SGCZ: variants seen among roughly 807,000 people sequenced by gnomAD.
The protein encoded by SGCZ is sarcoglycan zeta.
Under a neutral mutation model 41.3 loss-of-function variants are expected in SGCZ, and 40 were observed. The ratio of observed to expected loss-of-function variants is 0.97; its 90% CI spans 0.75 to 1.26. The LOEUF (loss-of-function observed/expected upper bound fraction) is 1.26. Among genes scored for constraint, SGCZ ranks in the 50% most tolerant of loss-of-function variants. The pLI, the probability that SGCZ is intolerant of heterozygous loss-of-function variation, is 0.00. For missense variants in SGCZ, 552 were observed against 369.8 expected (o/e 1.49, Z -4.04); for synonymous variants, 206 against 137.5 (o/e 1.50, Z -3.49).
At chr8:14,139,393 A>G (rs1231350693) in intron 5 of SGCZ, among the ~76,000 whole-genome samples, 1 of 152,212 alleles carries the variant, frequency 6.6e-6, no homozygotes, top group Non-Finnish European at 1.5e-5. Flanking sequence ...CAAAAAATCA[A>G]TGAATCCAGG....
intron 1 of SGCZ, among the ~76,000 whole-genome samples, chr8:14,814,792 AT>A: frequency 6.6e-6 from 1 of 152,176 alleles, no homozygotes. Context: ...TGAGCAAGGT[AT>A]TATGACTGAA....
chr8:14,578,218 C>A (rs1023799831), intron 1 of SGCZ, among the ~76,000 whole-genome samples: 4 of 152,172 alleles, frequency 2.6e-5, no homozygotes, highest in African/African-American at 9.7e-5. Flanking sequence ...TCATCTATAG[C>A]CATCAGTTGA....
At chr8:14,183,590 G>C (rs1488130185) in intron 4 of SGCZ, among the ~76,000 whole-genome samples, 1 of 152,188 alleles carries the variant, frequency 6.6e-6, no homozygotes, top group Non-Finnish European at 1.5e-5. Context: ...GAGTTTGAAA[G>C]AGAACACGGA....
rs1173430063 is a variant in SGCZ at position 14,087,978 on chromosome 8, T to C, written c.*2465A>G. On this transcript the variant is annotated 3_prime_UTR_variant, in exon 8 of 8. Transcript: ENST00000382080. Reference sequence around the variant, plus strand: ...GTCTAAAGCTCTCAAGCTTGTAAGTTACTTTTGAATTATGTCTATACTTCT... The same window carrying C: ...GTCTAAAGCTCTCAAGCTTGTAAGTCACTTTTGAATTATGTCTATACTTCT... 2.6e-5 allele frequency among the ~76,000 whole-genome samples: 4 copies of C among 151,836 alleles called. No individual in the cohort carries two copies. Among genetic ancestry groups the C allele is most frequent in the Non-Finnish European group, 5.9e-5 (4 of 67,832 alleles).
At chr8:14,190,170 G>A (rs537291613) in intron 4 of SGCZ, among the ~76,000 whole-genome samples, 6 of 151,476 alleles carry the variant, frequency 4.0e-5, no homozygotes, top group Admixed American at 1.3e-4. Flanking sequence ...CCGCCACCAC[G>A]CCCGGCTAAT....
chr8:14,285,107 T>A (rs1283392217), intron 3 of SGCZ, among the ~76,000 whole-genome samples: 6 of 152,178 alleles, frequency 3.9e-5, no homozygotes, highest in African/African-American at 9.7e-5. Flanking sequence ...AGACTCAGCC[T>A]TATTAAATCT....
chr8:15,171,994 T>A (rs776987312), intron 1 of SGCZ, among the ~76,000 whole-genome samples: 28 of 152,206 alleles, frequency 1.8e-4, no homozygotes, highest in South Asian at 6.2e-4. Context: ...TCAACATTAT[T>A]TGTGCCAGCA....
chr8:14,125,121 C>A (rs187161038), intron 5 of SGCZ, among the ~76,000 whole-genome samples: 1 of 152,274 alleles, frequency 6.6e-6, no homozygotes, highest in East Asian at 1.9e-4. Context: ...GAACTACAAA[C>A]CACTGATAAA....
At chr8:14,868,329 T>C (rs1804008230) in intron 1 of SGCZ, among the ~76,000 whole-genome samples, 1 of 152,126 alleles carries the variant, frequency 6.6e-6, no homozygotes, top group Admixed American at 6.6e-5. Flanking sequence ...AGCCCAACCA[T>C]TCTAAGCAAC....
chr8:15,052,399 T>A (rs2130995460), intron 1 of SGCZ, among the ~76,000 whole-genome samples: 1 of 152,042 alleles, frequency 6.6e-6, no homozygotes, highest in South Asian at 2.1e-4. Context: ...TGAGTGAGGG[T>A]GGTGGGTGGA....
At chr8:14,321,880 C>A (rs2117026669) in intron 3 of SGCZ, among the ~76,000 whole-genome samples, 1 of 152,128 alleles carries the variant, frequency 6.6e-6, no homozygotes, top group East Asian at 1.9e-4. Flanking sequence ...TGTTTGTGTT[C>A]TTCCTTAACC....
At chr8:14,752,109 A>C (rs1349652573) in intron 1 of SGCZ, among the ~76,000 whole-genome samples, 1 of 60,762 alleles carries the variant, frequency 1.6e-5, no homozygotes, top group Non-Finnish European at 4.5e-5. Flanking sequence ...TACCGAAAAC[A>C]AAAGAAAACA....
intron 1 of SGCZ, among the ~76,000 whole-genome samples, chr8:15,085,794 A>G (rs1805926686): frequency 6.6e-6 from 1 of 152,108 alleles, no homozygotes; most frequent in Non-Finnish European, 1.5e-5. Context: ...ACTCCTGTCT[A>G]CATTTTGCCA....
chr8:14,837,587 C>CA (rs1469078571), intron 1 of SGCZ, among the ~76,000 whole-genome samples: 2 of 152,154 alleles, frequency 1.3e-5, no homozygotes, highest in East Asian at 3.8e-4. Context: ...TGGACCAAAG[C>CA]AGTGAAGAAA....
At chr8:14,800,141 G>C (rs956112493) in intron 1 of SGCZ, among the ~76,000 whole-genome samples, 2 of 126,798 alleles carry the variant, frequency 1.6e-5, no homozygotes, top group Non-Finnish European at 3.4e-5. Context: ...AAGATGTTAA[G>C]TTGTATATTT....
At chr8:14,824,450 C>T (rs191171032) in intron 1 of SGCZ, among the ~76,000 whole-genome samples, 3 of 152,020 alleles carry the variant, frequency 2.0e-5, no homozygotes, top group East Asian at 3.9e-4. Flanking sequence ...ACACTAAAAC[C>T]AATAAAATTC....
intron 2 of SGCZ, among the ~76,000 whole-genome samples, chr8:14,525,084 C>T (rs918862887): frequency 1.3e-5 from 2 of 151,280 alleles, no homozygotes; most frequent in Admixed American, 6.6e-5. Context: ...TAGATAGACA[C>T]ATAGATAGAT....
intron 1 of SGCZ, among the ~76,000 whole-genome samples, chr8:14,804,661 T>TA (rs1460006456): frequency 7.0e-6 from 1 of 142,990 alleles, no homozygotes; most frequent in Non-Finnish European, 1.5e-5. Context: ...CTCTACAGGA[T>TA]ATTATCCAGG....
chr8:15,068,452 T>C (rs2131023737), intron 1 of SGCZ, among the ~76,000 whole-genome samples: 1 of 152,338 alleles, frequency 6.6e-6, no homozygotes. Context: ...GCTAAATTCA[T>C]TTGTCATCCT....
Sources: gnomAD v4.1 joint callset for allele counts (sites outside exome capture counted in the v4.1 genomes callset) on GRCh38, gnomAD v4.1.1 for gene constraint, MANE v1.5 for transcripts, NCBI Gene and HGNC (gene_info 2026-07-23, HGNC 2026-07-21) for gene names.